CAST: variants seen among roughly 807,000 people sequenced by gnomAD.
The protein encoded by CAST is calpastatin, also known as MIR583 host.
CAST carries 76 observed loss-of-function variants against 119.6 expected under a neutral mutation model. The ratio of observed to expected loss-of-function variants is 0.64; its 90% CI spans 0.53 to 0.77. CAST has a LOEUF of 0.77. Among genes scored for constraint, CAST ranks in the 30% least tolerant of loss-of-function variants. CAST has a pLI of 0.00. For synonymous variants in CAST, 319 were observed against 331.6 expected (o/e 0.96, Z 0.41); for missense variants, 953 against 946.5 (o/e 1.01, Z -0.09).
chr5:96,388,287 C>T, the CAST span, among the ~76,000 whole-genome samples: 1 of 152,202 alleles, frequency 6.6e-6, no homozygotes, highest in Non-Finnish European at 1.5e-5. Context: ...AACATACAGG[C>T]TTAGTTAGAC....
At chr5:96,115,409 T>A in the CAST span, among the ~76,000 whole-genome samples, 2 of 152,344 alleles carry the variant, frequency 1.3e-5, no homozygotes, top group East Asian at 1.9e-4. Flanking sequence ...TAGGCCCTGT[T>A]CTAAGCACTT....
chr5:96,726,087 C>G (rs1190136598), intron 4 of CAST, among the ~76,000 whole-genome samples: 1 of 152,156 alleles, frequency 6.6e-6, no homozygotes, highest in Non-Finnish European at 1.5e-5. Context: ...CTAGTTTGTG[C>G]TGATACTACC....
the CAST span, among the ~76,000 whole-genome samples, chr5:96,482,260 C>T: frequency 1.3e-5 from 2 of 151,926 alleles, no homozygotes; most frequent in African/African-American, 4.8e-5. Flanking sequence ...TGAGAAATAC[C>T]AGCATCCAAA....
intron 1 of CAST, among the ~76,000 whole-genome samples, chr5:96,670,076 G>A (rs1259583145): frequency 6.6e-6 from 1 of 152,176 alleles, no homozygotes; most frequent in Admixed American, 6.5e-5. Flanking sequence ...TTCTCAGTGT[G>A]TGTGATGGTA....
At chr5:96,629,459 TCA>T (rs1240514559) in intron 1 of CAST, among the ~76,000 whole-genome samples, 2 of 152,232 alleles carry the variant, frequency 1.3e-5, no homozygotes, top group African/African-American at 2.4e-5. Flanking sequence ...CCATTTTGGT[TCA>T]GTTTCTCCCA....
chr5:96,164,457 G>A, the CAST span, among the ~76,000 whole-genome samples: 1 of 152,356 alleles, frequency 6.6e-6, no homozygotes, highest in East Asian at 1.9e-4. Flanking sequence ...TGTCTAGCCT[G>A]TCACTGGCAG....
the CAST span, among the ~76,000 whole-genome samples, chr5:96,484,762 G>T: frequency 5.5e-5 from 4 of 73,040 alleles, no homozygotes; most frequent in South Asian, 1.2e-3. Context: ...GAGCTGGGGG[G>T]CCATCATTAG....
At chr5:96,347,475 A>G in the CAST span, among the ~76,000 whole-genome samples, 3 of 152,216 alleles carry the variant, frequency 2.0e-5, no homozygotes, top group African/African-American at 7.2e-5. Context: ...GTCATGCAGC[A>G]GCAGTCTATT....
intron 2 of CAST, among the ~76,000 whole-genome samples, chr5:96,681,097 C>T (rs140143224): frequency 7.2e-5 from 11 of 152,268 alleles, no homozygotes; most frequent in Non-Finnish European, 1.6e-4. Context: ...ACTGTGGTTT[C>T]CCCATTTTTT....
the CAST span, among the ~76,000 whole-genome samples, chr5:96,173,825 C>T: frequency 6.6e-6 from 1 of 151,800 alleles, no homozygotes; most frequent in South Asian, 2.1e-4. Context: ...ACTGCAAGCT[C>T]CGCCTCACGG....
At chr5:96,344,655 T>G in the CAST span, among the ~76,000 whole-genome samples, 5 of 152,278 alleles carry the variant, frequency 3.3e-5, no homozygotes, top group South Asian at 1.0e-3. Flanking sequence ...TATTTTTGCT[T>G]AAGTTTGTGG....
intron 10 of CAST, among the ~76,000 whole-genome samples, 177 bp downstream of exon 10, chr5:96,736,417 C>T (rs942475486): frequency 6.6e-6 from 1 of 152,052 alleles, no homozygotes; most frequent in African/African-American, 2.4e-5. Flanking sequence ...TTTTCACACT[C>T]ATGTTTGTAA....
the CAST span, among the ~76,000 whole-genome samples, chr5:96,382,494 C>T: frequency 2.6e-5 from 4 of 152,300 alleles, no homozygotes; most frequent in Middle Eastern, 3.4e-3. Flanking sequence ...TTGGCACTTT[C>T]ATCTGATTTG....
the CAST span, chr5:96,425,938 G>T: frequency 2.0e-6 from 3 of 1,536,806 alleles, no homozygotes; most frequent in Non-Finnish European, 2.7e-6. Flanking sequence ...CACCTACAAG[G>T]ATTTTTATAG....
the CAST span, among the ~76,000 whole-genome samples, chr5:96,339,148 C>G: frequency 1.3e-5 from 2 of 152,172 alleles, no homozygotes; most frequent in African/African-American, 2.4e-5. Flanking sequence ...GTTACCAACA[C>G]TAAGTACTTT....
intron 3 of CAST, among the ~76,000 whole-genome samples, chr5:96,719,256 A>T (rs1248548956): frequency 3.3e-5 from 5 of 152,126 alleles, no homozygotes; most frequent in African/African-American, 1.2e-4. Context: ...CTCACAAGAC[A>T]GTTAAGTGAG....
At chr5:96,576,659 T>G (rs916045106) in intron 1 of CAST, among the ~76,000 whole-genome samples, 2 of 152,170 alleles carry the variant, frequency 1.3e-5, no homozygotes, top group Non-Finnish European at 2.9e-5. Flanking sequence ...TCTAAAGATT[T>G]TTTTTCATAT....
At chr5:96,747,548 C>A in intron 18 of CAST, 156 bp downstream of exon 18, 1 of 524,566 alleles carries the variant, frequency 1.9e-6, no homozygotes. Flanking sequence ...TTGGCTGATA[C>A]CTGTAGCTCC....
At chr5:96,293,066 C>A in the CAST span, among the ~76,000 whole-genome samples, 1 of 152,122 alleles carries the variant, frequency 6.6e-6, no homozygotes, top group South Asian at 2.1e-4. Context: ...CTTCTCTGGC[C>A]GGGATTCAAC....
Sources: allele counts gnomAD v4.1 joint callset (sites outside exome capture counted in the v4.1 genomes callset), GRCh38; gene constraint gnomAD v4.1.1; transcripts MANE v1.5; gene names NCBI Gene and HGNC (gene_info 2026-07-23, HGNC 2026-07-21).